Variants in TRIO observed in about 807,000 individuals in gnomAD.
The protein encoded by TRIO is trio Rho guanine nucleotide exchange factor.
A neutral mutation model predicts 351.9 loss-of-function variants in TRIO; 58 were observed. That is an observed-to-expected ratio of 0.16 (90% CI 0.13 to 0.21). TRIO has a LOEUF of 0.21. Among genes scored for constraint, TRIO ranks in the 10% least tolerant of loss-of-function variants. The probability of loss-of-function intolerance (pLI) is 1.00; values close to 1 mark genes in which losing one functional copy is unlikely to be tolerated. For missense variants in TRIO, 3,201 were observed against 4,027.8 expected (o/e 0.79, Z 5.56); for synonymous variants, 1,758 against 1,595.7 (o/e 1.10, Z -2.42).
intron 37 of TRIO, among the ~76,000 whole-genome samples, chr5:14,468,211 T>G (rs26103): frequency 0.1 from 15,411 of 152,316 alleles, 915 homozygotes; most frequent in Admixed American, 0.18. Context: ...TTTTCAATTC[T>G]GAAGAATTAA....
intron 11 of TRIO, among the ~76,000 whole-genome samples, chr5:14,340,673 C>T (rs562548641): frequency 6.6e-6 from 1 of 152,272 alleles, no homozygotes; most frequent in East Asian, 1.9e-4. Context: ...GTTTACTGAG[C>T]ATTAGCTCAG....
At chr5:14,251,316 TC>T (rs1409930448) in intron 1 of TRIO, among the ~76,000 whole-genome samples, 1 of 152,238 alleles carries the variant, frequency 6.6e-6, no homozygotes, top group Non-Finnish European at 1.5e-5. Flanking sequence ...CTCTAGGGAC[TC>T]TCAGTTAAAC....
At position 14,487,819 on chromosome 5, in the gene TRIO, G is replaced by T; in HGVS notation, c.7191G>T (p.Ala2397=). Residue 2397 remains alanine, a synonymous_variant, in exon 48 of 57, where the codon GCG becomes GCT. Coordinates refer to ENST00000344204, the MANE Select transcript of TRIO (RefSeq NM_007118.4). ...PSAPSRRPPG[A]DAEGSEREAE... ...CGCCCAGCAGGCGGCCCCCCGGCGC[G>T]GACGCCGAGGGGTCCGAGCGAGAAG... The T allele has an allele frequency of 6.8e-7, 1 of 1,467,718 alleles. No homozygotes were observed. The highest frequency in any genetic ancestry group is 3.0e-5 in the East Asian group (1 of 33,252). The allele number at this position is 1,467,718 out of a possible 1,614,324, so 90.9% of individuals were successfully genotyped here.
At chr5:14,163,113 G>C (rs944100142) in intron 1 of TRIO, among the ~76,000 whole-genome samples, 4 of 152,240 alleles carry the variant, frequency 2.6e-5, no homozygotes, top group African/African-American at 9.6e-5. Flanking sequence ...TCATCGTCTA[G>C]GTTTTAAGCC....
chr5:14,231,304 G>A (rs1180772433), intron 1 of TRIO, among the ~76,000 whole-genome samples: 1 of 152,198 alleles, frequency 6.6e-6, no homozygotes, highest in Admixed American at 6.5e-5. Context: ...TACTACTGTT[G>A]TGTCTGAAAC....
intron 1 of TRIO, among the ~76,000 whole-genome samples, chr5:14,256,372 C>A (rs778473354): frequency 1.3e-5 from 2 of 152,096 alleles, no homozygotes; most frequent in South Asian, 2.1e-4. Flanking sequence ...CATTTCAACA[C>A]GAGATTTGGA....
At chr5:14,261,262 G>T (rs891157469) in intron 1 of TRIO, among the ~76,000 whole-genome samples, 13 of 152,196 alleles carry the variant, frequency 8.5e-5, no homozygotes, top group African/African-American at 3.1e-4. Flanking sequence ...TGTTTGTTGT[G>T]TACCCTTCGT....
chr5:14,485,148 T>C lies in TRIO; in HGVS notation c.6737T>C (p.Val2246Ala), dbSNP rs200931566. The part of the protein sequence containing the change: ...FALTSRTGDV[V>A]ETFILHSSSP... ...CTGACATCGAGGACGGGTGACGTGG[T>C]AGAGACCTTCATTTTGCATTCATCT... The change falls in exon 47 of 57, where the codon GTA (valine) becomes GCA (alanine). Residue 2246 changes from valine to alanine, a missense_variant. Val to Ala is a moderately conservative substitution (Grantham distance 64). Around this residue, in one of 19 missense-constraint regions of TRIO, gnomAD observed 1,089 missense variants for 954.9 expected, o/e 1.14. Transcript: ENST00000344204. 1.3e-4 allele frequency: 212 copies of C among 1,595,048 alleles called. No individual in the cohort carries two copies. Among genetic ancestry groups the C allele is most frequent in the Non-Finnish European group, 1.7e-4 (203 of 1,164,574 alleles).
At chr5:14,347,823 G>A (rs1272429550) in intron 11 of TRIO, among the ~76,000 whole-genome samples, 1 of 152,190 alleles carries the variant, frequency 6.6e-6, no homozygotes, top group Non-Finnish European at 1.5e-5. Context: ...ATCAAATCTA[G>A]ACAAGGGCCT....
chr5:14,370,734 G>A (rs1057453473), intron 18 of TRIO, among the ~76,000 whole-genome samples: 1 of 152,098 alleles, frequency 6.6e-6, no homozygotes, highest in African/African-American at 2.4e-5. Context: ...TTATAACTAC[G>A]TCAACAGCTT....
intron 34 of TRIO, among the ~76,000 whole-genome samples, chr5:14,426,111 A>G (rs1427009248): frequency 6.6e-6 from 1 of 152,220 alleles, no homozygotes; most frequent in Non-Finnish European, 1.5e-5. Flanking sequence ...CACCTAAAAC[A>G]TAAATGTTAC....
intron 55 of TRIO, among the ~76,000 whole-genome samples, chr5:14,505,951 C>T (rs144255286): frequency 1.3e-5 from 2 of 152,350 alleles, no homozygotes; most frequent in Non-Finnish European, 2.9e-5. Context: ...CCCTCCCTCT[C>T]ATCGGCTCAT....
At chr5:14,145,308 C>T (rs1487222577) in intron 1 of TRIO, among the ~76,000 whole-genome samples, 1 of 152,138 alleles carries the variant, frequency 6.6e-6, no homozygotes, top group Non-Finnish European at 1.5e-5. Flanking sequence ...TCTTGGTTGT[C>T]TTGATCTTTG....
At chr5:14,454,771 G>A (rs1435030120) in intron 34 of TRIO, among the ~76,000 whole-genome samples, 2 of 152,198 alleles carry the variant, frequency 1.3e-5, no homozygotes, top group Non-Finnish European at 2.9e-5. Context: ...CGAAATTGTT[G>A]GGTTCTTGGT....
chr5:14,239,876 A>T (rs1484090878), intron 1 of TRIO, among the ~76,000 whole-genome samples: 1 of 152,198 alleles, frequency 6.6e-6, no homozygotes, highest in Admixed American at 6.5e-5. Flanking sequence ...GAAGTTTGAG[A>T]TGCCTTTAAC....
At chr5:14,164,783 G>A (rs1247552198) in intron 1 of TRIO, among the ~76,000 whole-genome samples, 1 of 152,188 alleles carries the variant, frequency 6.6e-6, no homozygotes, top group Non-Finnish European at 1.5e-5. Flanking sequence ...AGTTACTCTT[G>A]CCAGAGGGAT....
At chr5:14,194,767 C>A (rs930126313) in intron 1 of TRIO, among the ~76,000 whole-genome samples, 1 of 152,208 alleles carries the variant, frequency 6.6e-6, no homozygotes, top group Non-Finnish European at 1.5e-5. Flanking sequence ...CACATACACA[C>A]ATATATGCAT....
At chr5:14,490,710 T>G (rs1756420131) in intron 48 of TRIO, 1 of 441,718 alleles carries the variant, frequency 2.3e-6, no homozygotes, top group Admixed American at 2.4e-5. Context: ...TTGAAATGCC[T>G]AGTACATAGG....
rs753650987 is a variant in TRIO, at chr5:14,504,373, C to A, written c.8412-20C>A. 50 of 1,612,882 alleles carry A rather than the reference C, an allele frequency of 3.1e-5. 1 individual carries two copies. Among genetic ancestry groups the A allele is most frequent in the South Asian group, 2.9e-4 (26 of 90,958 alleles). Reference sequence around the variant, plus strand: ...GACCTCAGCAGCCTCTGCAAATGGTCCCCCTGACATATTTTACAGGGGCAG... The same window carrying A: ...GACCTCAGCAGCCTCTGCAAATGGTACCCCTGACATATTTTACAGGGGCAG... On this transcript the variant is annotated intron_variant, in intron 54 of 56. Transcript: ENST00000344204.
Sources: allele counts gnomAD v4.1 joint callset (sites outside exome capture counted in the v4.1 genomes callset), GRCh38; gene constraint gnomAD v4.1.1; regional missense constraint gnomAD v4.1.1; transcripts MANE v1.5; gene names NCBI Gene and HGNC (gene_info 2026-07-23, HGNC 2026-07-21).